The following CNTNAP2 variants were observed in gnomAD, a reference collection of about 807,000 sequenced individuals.
CNTNAP2 encodes contactin associated protein 2.
Under a neutral mutation model 155.2 loss-of-function variants are expected in CNTNAP2, and 98 were observed. The ratio of observed to expected loss-of-function variants is 0.63; its 90% CI spans 0.54 to 0.75. The LOEUF (loss-of-function observed/expected upper bound fraction) is 0.75, where lower values mean the gene tolerates loss of function less well. CNTNAP2 is among the 30% of genes least tolerant of loss of function. CNTNAP2 has a pLI of 0.00. For synonymous variants in CNTNAP2, 651 were observed against 631.2 expected (o/e 1.03, Z -0.47); for missense variants, 1,727 against 1,688.1 (o/e 1.02, Z -0.40).
intron 1 of CNTNAP2, among the ~76,000 whole-genome samples, chr7:146,634,091 A>T (rs1799557680): frequency 6.6e-6 from 1 of 151,924 alleles, no homozygotes; most frequent in South Asian, 2.1e-4. Flanking sequence ...ACACCACCCA[A>T]CCACATCGTT....
At chr7:147,972,327 T>C (rs1342030995) in intron 14 of CNTNAP2, among the ~76,000 whole-genome samples, 6 of 152,218 alleles carry the variant, frequency 3.9e-5, no homozygotes, top group Non-Finnish European at 8.8e-5. Context: ...CTGCTAGAAT[T>C]ACTGTATAGG....
intron 1 of CNTNAP2, among the ~76,000 whole-genome samples, chr7:146,206,804 A>G (rs1236069533): frequency 6.6e-6 from 1 of 152,018 alleles, no homozygotes; most frequent in Non-Finnish European, 1.5e-5. Flanking sequence ...TTAATCATCA[A>G]CATGATGCTG....
intron 21 of CNTNAP2, among the ~76,000 whole-genome samples, chr7:148,361,424 C>T (rs933343507): frequency 1.3e-5 from 2 of 152,154 alleles, no homozygotes; most frequent in Non-Finnish European, 2.9e-5. Flanking sequence ...TATCCTCTCA[C>T]AGTTCCGGAG....
chr7:147,287,605 C>T (rs1486250493), intron 8 of CNTNAP2, among the ~76,000 whole-genome samples: 1 of 151,994 alleles, frequency 6.6e-6, no homozygotes, highest in Non-Finnish European at 1.5e-5. Flanking sequence ...CATCTTGCCC[C>T]GTGACTTACA....
chr7:147,778,626 C>G (rs1563085888), intron 13 of CNTNAP2, among the ~76,000 whole-genome samples: 1 of 152,112 alleles, frequency 6.6e-6, no homozygotes, highest in Non-Finnish European at 1.5e-5. Context: ...GAAAATAAAG[C>G]TAAGCTTCCA....
chr7:146,938,351 T>C lies in CNTNAP2; in HGVS notation c.402+98447T>C, dbSNP rs188323598. ...GTGTGTGTTTATATATATCTCTCTG[T>C]ATATTTACATATATAATATATAAGT... On this transcript the variant is annotated intron_variant, in intron 3 of 23. Transcript: ENST00000361727. Among the ~76,000 whole-genome samples the C allele has an allele frequency of 1.4e-4, 21 of 148,630 alleles. No individual in the cohort carries two copies. The East Asian group carries it at 1.6e-3, about 11-fold the overall frequency.
chr7:147,785,593 T>C (rs938972724), intron 13 of CNTNAP2, among the ~76,000 whole-genome samples: 3 of 152,124 alleles, frequency 2.0e-5, no homozygotes, highest in African/African-American at 7.2e-5. Flanking sequence ...ATGCTTGAAT[T>C]AGAGATTTTG....
intron 10 of CNTNAP2, among the ~76,000 whole-genome samples, chr7:147,439,624 A>G (rs1239839481): frequency 6.6e-6 from 1 of 151,960 alleles, no homozygotes; most frequent in African/African-American, 2.4e-5. Flanking sequence ...ATTAAGTCTG[A>G]TGTTCCTTTG....
chr7:147,563,531 A>C (rs1800107036), intron 12 of CNTNAP2, among the ~76,000 whole-genome samples: 1 of 152,044 alleles, frequency 6.6e-6, no homozygotes, highest in Non-Finnish European at 1.5e-5. Flanking sequence ...CAGGAGGCTA[A>C]GGCAGGAGAA....
At chr7:146,842,516 T>C (rs1185439627) in intron 3 of CNTNAP2, among the ~76,000 whole-genome samples, 1 of 152,022 alleles carries the variant, frequency 6.6e-6, no homozygotes, top group East Asian at 1.9e-4. Flanking sequence ...TACCTGAGAC[T>C]GGGTAATTTA....
intron 10 of CNTNAP2, among the ~76,000 whole-genome samples, chr7:147,482,456 C>T (rs879700257): frequency 5.3e-5 from 8 of 152,050 alleles, no homozygotes; most frequent in Non-Finnish European, 7.4e-5. Context: ...TGGTGGCTCA[C>T]GCCTGTAATC....
intron 4 of CNTNAP2, among the ~76,000 whole-genome samples, chr7:147,055,731 G>A (rs1799550193): frequency 6.6e-6 from 1 of 152,294 alleles, no homozygotes; most frequent in East Asian, 1.9e-4. Flanking sequence ...GTTCCCACCG[G>A]AGGATGTGAT....
chr7:147,721,898 T>G (rs976323445), intron 13 of CNTNAP2, among the ~76,000 whole-genome samples: 3 of 152,144 alleles, frequency 2.0e-5, no homozygotes, highest in Admixed American at 6.6e-5. Flanking sequence ...GACTTCTAAC[T>G]TCATAGGCAA....
At chr7:146,433,845 C>A (rs746157741) in intron 1 of CNTNAP2, among the ~76,000 whole-genome samples, 15 of 152,146 alleles carry the variant, frequency 9.9e-5, no homozygotes, top group Non-Finnish European at 1.9e-4. Context: ...CAAATGTAAT[C>A]ATTTTAGAAG....
intron 1 of CNTNAP2, among the ~76,000 whole-genome samples, chr7:146,373,555 C>T (rs1284189462): frequency 6.6e-6 from 1 of 151,710 alleles, no homozygotes; most frequent in Non-Finnish European, 1.5e-5. Flanking sequence ...GAGGCAATCT[C>T]CCATAAAATA....
chr7:147,370,094 C>G (rs1796315837), intron 9 of CNTNAP2, among the ~76,000 whole-genome samples: 1 of 152,146 alleles, frequency 6.6e-6, no homozygotes, highest in Non-Finnish European at 1.5e-5. Context: ...GCAGTTGTCA[C>G]CTCAGTGTAT....
chr7:146,141,195 G>C (rs1526072), intron 1 of CNTNAP2, among the ~76,000 whole-genome samples: 46,576 of 151,932 alleles, frequency 0.31, 8,437 homozygotes, highest in African/African-American at 0.5. Flanking sequence ...GTGGCACAAA[G>C]GGCACCTGTG....
intron 8 of CNTNAP2, among the ~76,000 whole-genome samples, chr7:147,168,045 T>C (rs904815336): frequency 1.3e-5 from 2 of 148,874 alleles, no homozygotes; most frequent in African/African-American, 4.9e-5. Context: ...CATATGTATA[T>C]ATAAAATGTA....
chr7:147,697,269 GCT>G (rs1796174905), intron 13 of CNTNAP2, among the ~76,000 whole-genome samples: 1 of 151,848 alleles, frequency 6.6e-6, no homozygotes, highest in Non-Finnish European at 1.5e-5. Context: ...TTGTTTATTC[GCT>G]CTGACATGTC....
Sources: gnomAD v4.1 joint callset for allele counts (sites outside exome capture counted in the v4.1 genomes callset) on GRCh38, gnomAD v4.1.1 for gene constraint, MANE v1.5 for transcripts, NCBI Gene and HGNC (gene_info 2026-07-23, HGNC 2026-07-21) for gene names.